BMPR1A: variants seen among roughly 807,000 people sequenced by gnomAD.
The protein encoded by BMPR1A is bone morphogenetic protein receptor type-1A.
A neutral mutation model predicts 66.0 loss-of-function variants in BMPR1A; 7 were observed. That is an observed-to-expected ratio of 0.11 (90% CI 0.06 to 0.20). The LOEUF is 0.20. Ranked by LOEUF, BMPR1A falls within the 10% of genes least tolerant of loss-of-function variation. The pLI, the probability that BMPR1A is intolerant of heterozygous loss-of-function variation, is 1.00. For synonymous variants in BMPR1A, 200 were observed against 229.7 expected, an observed-to-expected ratio of 0.87 and a Z score of 1.17; for missense variants, 408 against 669.1, an observed-to-expected ratio of 0.61 and a Z score of 4.31.
At position 86,756,737 on chromosome 10, in the gene BMPR1A, G is replaced by C. The variant is rs1847873181; in HGVS notation, c.-450G>C. 6.6e-6 allele frequency: 1 copy of C among 151,778 alleles called. No homozygotes were observed. The allele number at this position is 151,778 out of a possible 1,614,324, so 9.4% of individuals were successfully genotyped here. ...GAGGAGGGCCAAGGGCGGGCAGGAA[G>C]GCTTAGGCTCGGCGCGTCCGTCCGC... On this transcript the variant is annotated 5_prime_UTR_variant, in exon 1 of 13. Transcript: ENST00000372037.
chr10:86,790,194 T>A (rs1446991922), intron 1 of BMPR1A, among the ~76,000 whole-genome samples: 818 of 8,244 alleles, frequency 0.099, 129 homozygotes, highest in East Asian at 0.21. Flanking sequence ...AAAAAATATA[T>A]ATATATATAT....
At chr10:86,794,410 A>G (rs5001277) in intron 1 of BMPR1A, among the ~76,000 whole-genome samples, 3,445 of 152,236 alleles carry the variant, frequency 0.023, 137 homozygotes, top group African/African-American at 0.079. Context: ...GTACTGAAAT[A>G]AAGTAATAGT....
At chr10:86,931,614 T>G (rs887250254), downstream of BMPR1A, 2 of 152,150 alleles carry the variant, frequency 1.3e-5, no homozygotes, top group African/African-American at 4.8e-5. Flanking sequence ...CTCCATGATC[T>G]TCTAGCATCC....
chr10:86,920,666 C>T (rs2133600430), intron 10 of BMPR1A, among the ~76,000 whole-genome samples: 1 of 152,122 alleles, frequency 6.6e-6, no homozygotes, highest in South Asian at 2.1e-4. Context: ...TCAGTATGAT[C>T]ATGTAAACAT....
chr10:86,874,221 A>G (rs11202242), intron 2 of BMPR1A, among the ~76,000 whole-genome samples: 19,202 of 152,172 alleles, frequency 0.13, 1,550 homozygotes, highest in African/African-American at 0.22. Flanking sequence ...TTATTTAACA[A>G]TTTTACTTTG....
intron 7 of BMPR1A, 78 bp downstream of exon 7, chr10:86,900,204 G>T: frequency 7.2e-7 from 1 of 1,384,780 alleles, no homozygotes; most frequent in South Asian, 1.2e-5. Flanking sequence ...GCCAGTTGCA[G>T]AAACCATTAA....
At chr10:86,880,290 C>T (rs1842970431) in intron 3 of BMPR1A, among the ~76,000 whole-genome samples, 4 of 152,206 alleles carry the variant, frequency 2.6e-5, no homozygotes, top group African/African-American at 9.6e-5. Context: ...CTGGCCTCTG[C>T]TTTGCCTGTT....
intron 2 of BMPR1A, among the ~76,000 whole-genome samples, chr10:86,854,325 G>C (rs186508186): frequency 1.3e-5 from 2 of 152,012 alleles, no homozygotes; most frequent in African/African-American, 4.8e-5. Context: ...TGCAGTTAAC[G>C]CAATTATTAC....
intron 2 of BMPR1A, among the ~76,000 whole-genome samples, chr10:86,839,690 T>A (rs979062041): frequency 2.4e-4 from 36 of 151,916 alleles, no homozygotes; most frequent in African/African-American, 7.2e-4. Context: ...TTTTTTTTTT[T>A]AAGACAGGAT....
intron 1 of BMPR1A, among the ~76,000 whole-genome samples, chr10:86,797,900 T>C (rs535864802): frequency 3.3e-5 from 5 of 152,256 alleles, no homozygotes; most frequent in African/African-American, 1.2e-4. Context: ...ATTTAAATTA[T>C]TAAGTGAATA....
intron 2 of BMPR1A, among the ~76,000 whole-genome samples, chr10:86,860,955 C>T (rs1842705015): frequency 6.6e-6 from 1 of 150,828 alleles, no homozygotes; most frequent in Non-Finnish European, 1.5e-5. Context: ...CATTCTCCTG[C>T]CTCAGCCTCC....
At chr10:86,864,362 T>C (rs1167542113) in intron 2 of BMPR1A, among the ~76,000 whole-genome samples, 2 of 152,142 alleles carry the variant, frequency 1.3e-5, no homozygotes, top group African/African-American at 4.8e-5. Context: ...CCACTATTGC[T>C]CTCGGTACTG....
chr10:86,883,926 G>C (rs1008894808), intron 3 of BMPR1A, among the ~76,000 whole-genome samples: 42 of 149,092 alleles, frequency 2.8e-4, no homozygotes, highest in Non-Finnish European at 4.3e-4. Flanking sequence ...CCAGGCTGGA[G>C]TGCAGTGGCA....
chr10:86,920,890 C>T (rs1346839644), intron 10 of BMPR1A, among the ~76,000 whole-genome samples: 1 of 127,910 alleles, frequency 7.8e-6, no homozygotes, highest in Non-Finnish European at 1.6e-5. Flanking sequence ...GATTCTCACT[C>T]TGTTGCCCAG....
chr10:86,819,547 C>G (rs1209268576), intron 1 of BMPR1A, among the ~76,000 whole-genome samples: 1 of 152,226 alleles, frequency 6.6e-6, no homozygotes, highest in East Asian at 1.9e-4. Flanking sequence ...GATCCGCCCA[C>G]TTCGGCCTCC....
chr10:86,923,228 T>A (rs1436154990), intron 11 of BMPR1A, 148 bp from the exon 12 acceptor site: 3 of 1,105,020 alleles, frequency 2.7e-6, no homozygotes, highest in African/African-American at 3.2e-5. Context: ...AAAACATACA[T>A]CTACTATTAA....
chr10:86,772,378 C>T (rs1841279024), intron 1 of BMPR1A, among the ~76,000 whole-genome samples: 1 of 152,106 alleles, frequency 6.6e-6, no homozygotes, highest in African/African-American at 2.4e-5. Flanking sequence ...GATCTCCCCA[C>T]CTTGGTCTCC....
intron 8 of BMPR1A, among the ~76,000 whole-genome samples, chr10:86,913,515 A>G (rs990557802): frequency 1.3e-5 from 2 of 152,132 alleles, no homozygotes; most frequent in Non-Finnish European, 2.9e-5. Context: ...GGCAGACAAC[A>G]TGATTGTTTA....
chr10:86,887,805 C>T (rs765426691), intron 3 of BMPR1A, among the ~76,000 whole-genome samples: 3 of 152,214 alleles, frequency 2.0e-5, no homozygotes, highest in Non-Finnish European at 2.9e-5. Flanking sequence ...CAGGTTCCCT[C>T]ACCTGTCCTC....
Sources: allele counts gnomAD v4.1 joint callset (sites outside exome capture counted in the v4.1 genomes callset), GRCh38; gene constraint gnomAD v4.1.1; transcripts MANE v1.5; gene names NCBI Gene and HGNC (gene_info 2026-07-23, HGNC 2026-07-21).